Variants in SH3GL2 observed in about 807,000 individuals in gnomAD.
SH3GL2 encodes the protein SH3 domain containing GRB2 like 2, endophilin A1.
Under a neutral mutation model 46.0 loss-of-function variants are expected in SH3GL2, and 24 were observed. The observed-to-expected ratio is 0.52, with a 90% CI of 0.38 to 0.73. The LOEUF is 0.73. Ranked by LOEUF, SH3GL2 falls within the 30% of genes least tolerant of loss-of-function variation. The probability of loss-of-function intolerance (pLI) is 0.00; values close to 1 mark genes in which losing one functional copy is unlikely to be tolerated. For missense variants in SH3GL2, 413 were observed against 424.2 expected, an observed-to-expected ratio of 0.97 and a Z score of 0.23; for synonymous variants, 196 against 147.1, an observed-to-expected ratio of 1.33 and a Z score of -2.40.
rs1588302202 is a variant in SH3GL2 at position 17,752,709 on chromosome 9, T to A, written c.114+5575T>A. Among the ~76,000 whole-genome samples the A allele has an allele frequency of 2.0e-5, 3 of 152,270 alleles. No individual in the cohort carries two copies. In the South Asian group the frequency reaches 6.2e-4, roughly 32 times the overall value. Reference sequence around the variant, plus strand: ...ATTTGAGGTCCAATTTCTTTCTTTTTTTAAACTTGTATCTTAACTTCAGGG... The same window carrying A: ...ATTTGAGGTCCAATTTCTTTCTTTTATTAAACTTGTATCTTAACTTCAGGG... On this transcript the variant is annotated intron_variant, in intron 2 of 8. Coordinates refer to ENST00000380607, the MANE Select transcript of SH3GL2 (RefSeq NM_003026.5).
At chr9:17,693,611 C>T (rs1821134765) in intron 1 of SH3GL2, among the ~76,000 whole-genome samples, 1 of 152,126 alleles carries the variant, frequency 6.6e-6, no homozygotes, top group Non-Finnish European at 1.5e-5. Context: ...CTTTATTCTG[C>T]CATTTTATAC....
At chr9:17,585,202 C>G (rs1298475553) in intron 1 of SH3GL2, among the ~76,000 whole-genome samples, 2 of 151,936 alleles carry the variant, frequency 1.3e-5, no homozygotes, top group South Asian at 2.1e-4. Flanking sequence ...GAGGCAGCGG[C>G]GAGAGAAGGG....
chr9:17,769,915 A>G (rs985946049), intron 3 of SH3GL2, among the ~76,000 whole-genome samples: 2 of 152,192 alleles, frequency 1.3e-5, no homozygotes, highest in African/African-American at 4.8e-5. Context: ...ATAGTCATTG[A>G]AGACAAGGAC....
chr9:17,757,679 A>T (rs184173077), intron 2 of SH3GL2, among the ~76,000 whole-genome samples: 5 of 152,324 alleles, frequency 3.3e-5, no homozygotes, highest in African/African-American at 9.6e-5. Flanking sequence ...GAAAAATAAC[A>T]GTTACATGTC....
At chr9:17,744,560 T>A (rs752705651) in intron 1 of SH3GL2, among the ~76,000 whole-genome samples, 5 of 151,892 alleles carry the variant, frequency 3.3e-5, no homozygotes, top group African/African-American at 1.2e-4. Flanking sequence ...AGAGACAGAG[T>A]CTTACTACGT....
intron 1 of SH3GL2, chr9:17,735,748 A>T (rs1481463311): frequency 1.0e-6 from 1 of 980,368 alleles, no homozygotes; most frequent in Non-Finnish European, 1.2e-6. Context: ...AAATGGGAAG[A>T]TAAAGCTGGC....
rs192636028 is a variant in SH3GL2 at position 17,720,315 on chromosome 9, G to A, written c.46-26751G>A. Among the ~76,000 whole-genome samples, 75 of 152,182 alleles carry A rather than the reference G, an allele frequency of 4.9e-4. No homozygotes were observed. In the Middle Eastern group the frequency reaches 0.014, roughly 28 times the overall value. On this transcript the variant is annotated intron_variant, in intron 1 of 8. Coordinates refer to ENST00000380607, the MANE Select transcript of SH3GL2 (RefSeq NM_003026.5). ...TAGATTGTTAAAAGAAAAACCTTAG[G>A]CAAATTAAATTTAACAGAGTTCGAC...
intron 1 of SH3GL2, among the ~76,000 whole-genome samples, chr9:17,699,958 G>A (rs1821305271): frequency 6.6e-6 from 1 of 151,954 alleles, no homozygotes; most frequent in East Asian, 1.9e-4. Flanking sequence ...GACCCCTATT[G>A]CAAGTTTGCA....
chr9:17,617,102 T>C (rs576197785), intron 1 of SH3GL2, among the ~76,000 whole-genome samples: 1 of 152,342 alleles, frequency 6.6e-6, no homozygotes, highest in East Asian at 1.9e-4. Flanking sequence ...TTGTTTTTAC[T>C]TCATGTGCTC....
intron 1 of SH3GL2, among the ~76,000 whole-genome samples, chr9:17,592,572 G>T (rs1042781274): frequency 6.6e-6 from 1 of 152,144 alleles, no homozygotes; most frequent in Admixed American, 6.5e-5. Context: ...TAAAACAGGA[G>T]ATTAACAGAT....
At chr9:17,660,720 G>A (rs1276554377) in intron 1 of SH3GL2, among the ~76,000 whole-genome samples, 1 of 152,064 alleles carries the variant, frequency 6.6e-6, no homozygotes, top group Non-Finnish European at 1.5e-5. Flanking sequence ...GATTCTCAGG[G>A]TTTCTTCCAG....
intron 3 of SH3GL2, among the ~76,000 whole-genome samples, chr9:17,771,127 A>C (rs143335740): frequency 6.6e-6 from 1 of 152,150 alleles, no homozygotes; most frequent in South Asian, 2.1e-4. Flanking sequence ...CAAGCATACA[A>C]CTGTCTGCTG....
intron 1 of SH3GL2, among the ~76,000 whole-genome samples, chr9:17,647,608 A>G (rs1171891736): frequency 1.3e-5 from 2 of 152,224 alleles, no homozygotes; most frequent in African/African-American, 4.8e-5. Context: ...AAGGTTAAAT[A>G]AAGTAATACT....
At chr9:17,728,966 T>C (rs1029239985) in intron 1 of SH3GL2, among the ~76,000 whole-genome samples, 3 of 152,230 alleles carry the variant, frequency 2.0e-5, no homozygotes, top group Admixed American at 6.5e-5. Flanking sequence ...GGTAGAATGA[T>C]TTATAATACT....
intron 3 of SH3GL2, among the ~76,000 whole-genome samples, chr9:17,769,629 C>A (rs1348448548): frequency 6.6e-6 from 1 of 152,144 alleles, no homozygotes; most frequent in Non-Finnish European, 1.5e-5. Context: ...TGCCGTCTCC[C>A]TGTACAGTCC....
intron 1 of SH3GL2, among the ~76,000 whole-genome samples, chr9:17,696,285 A>G (rs913446998): frequency 1.1e-4 from 16 of 152,144 alleles, no homozygotes; most frequent in Non-Finnish European, 1.9e-4. Context: ...TGTAATGAAT[A>G]TTTCAGATTT....
intron 1 of SH3GL2, among the ~76,000 whole-genome samples, chr9:17,674,202 C>T (rs1820546317): frequency 6.6e-6 from 1 of 152,144 alleles, no homozygotes; most frequent in Non-Finnish European, 1.5e-5. Context: ...ACCAGATCAC[C>T]AGATCACCCC....
At chr9:17,762,936 T>TTA (rs1386734781) in intron 3 of SH3GL2, among the ~76,000 whole-genome samples, 1 of 152,176 alleles carries the variant, frequency 6.6e-6, no homozygotes, top group Non-Finnish European at 1.5e-5. Flanking sequence ...GTTTTGGTCT[T>TTA]TATCTTTGCC....
chr9:17,683,844 C>G (rs151091679), intron 1 of SH3GL2, among the ~76,000 whole-genome samples: 1 of 152,160 alleles, frequency 6.6e-6, no homozygotes, highest in East Asian at 1.9e-4. Flanking sequence ...CAGGGTGACG[C>G]CAAGGACACA....
Sources: allele counts gnomAD v4.1 joint callset (sites outside exome capture counted in the v4.1 genomes callset), GRCh38; gene constraint gnomAD v4.1.1; transcripts MANE v1.5; gene names NCBI Gene and HGNC (gene_info 2026-07-23, HGNC 2026-07-21).